Variants in C2CD3 observed in about 807,000 individuals in gnomAD.
C2CD3 encodes C2 domain-containing protein 3.
Under a neutral mutation model 234.0 loss-of-function variants are expected in C2CD3, and 148 were observed. The ratio of observed to expected loss-of-function variants is 0.63; its 90% CI spans 0.55 to 0.72. The LOEUF is 0.72. Ranked by LOEUF, C2CD3 falls within the 30% of genes least tolerant of loss-of-function variation. The pLI is 0.00. For synonymous variants in C2CD3, 1,000 were observed against 1,035.4 expected (o/e 0.97, Z 0.66); for missense variants, 2,577 against 2,811.5 (o/e 0.92, Z 1.89).
In C2CD3 at chr11:74,168,386, C is replaced by G; in HGVS notation, c.283G>C (p.Ala95Pro). 6.2e-7 allele frequency: 1 copy of G among 1,613,924 alleles called. No individual in the cohort carries two copies. The highest frequency in any genetic ancestry group is 8.5e-7 in the Non-Finnish European group (1 of 1,179,810). Reference protein sequence around the residue: ...PKAVRTTTRYAIRCGPKQFTS... With the variant: ...PKAVRTTTRYPIRCGPKQFTS... Reference sequence around the variant, plus strand: ...AACTGTTTTGGACCACAACGAATAGCGTAACGTGTAGTTGTTCTCACAGCT... The same window carrying G: ...AACTGTTTTGGACCACAACGAATAGGGTAACGTGTAGTTGTTCTCACAGCT... Residue 95 changes from alanine (A) to proline (P), a missense_variant, in exon 2 of 33, where the codon GCT (alanine) becomes CCT (proline). Transcript: ENST00000334126.
At chr11:74,105,292 A>G (rs1590814940) in intron 13 of C2CD3, among the ~76,000 whole-genome samples, 1 of 151,620 alleles carries the variant, frequency 6.6e-6, no homozygotes, top group Non-Finnish European at 1.5e-5. Context: ...TTCTTTTGAG[A>G]CAGAGTCTTG....
chr11:74,090,212 G>A (rs1057474266), intron 20 of C2CD3, among the ~76,000 whole-genome samples: 1 of 152,102 alleles, frequency 6.6e-6, no homozygotes, highest in African/African-American at 2.4e-5. Context: ...CCATTTTAAG[G>A]GCTCTGGTTT....
chr11:74,103,179 T>C lies in C2CD3; in HGVS notation c.2532A>G (p.Arg844=). The C allele has an allele frequency of 6.2e-7, 1 of 1,614,120 alleles. No homozygotes were observed. The highest frequency in any genetic ancestry group is 8.5e-7 in the Non-Finnish European group (1 of 1,179,960). The part of the protein sequence containing the change: ...CKLFSTEEVT[R]SVIAWGTTQP... ...GTGTTGTGCCCCATGCGATGACAGATCTGGTGACTTCCTCTGTGCTGAAGA... is the reference window on the plus strand; with the variant it reads ...GTGTTGTGCCCCATGCGATGACAGACCTGGTGACTTCCTCTGTGCTGAAGA... The change falls in exon 14 of 33, where the codon AGA becomes AGG. Residue 844 remains arginine (R), a synonymous_variant. Transcript: ENST00000334126.
intron 14 of C2CD3, 98 bp downstream of exon 14, chr11:74,103,033 A>T: frequency 1.6e-6 from 2 of 1,228,684 alleles, no homozygotes; most frequent in Non-Finnish European, 2.3e-6. Flanking sequence ...GGTTCCTTCT[A>T]GTCTGAACAT....
intron 3 of C2CD3, among the ~76,000 whole-genome samples, chr11:74,147,348 T>A (rs1286600680): frequency 6.6e-6 from 1 of 151,870 alleles, no homozygotes; most frequent in Non-Finnish European, 1.5e-5. Flanking sequence ...GCCCAGGAGG[T>A]CAAGGCTGCA....
Position 74,074,339 on chromosome 11 carries a change from C to T in C2CD3, c.4865G>A (p.Arg1622His), listed in dbSNP as rs772173456. 8.7e-6 allele frequency: 14 copies of T among 1,614,076 alleles called. No homozygotes were observed. In the East Asian group the frequency reaches 1.8e-4, roughly 21 times the overall value. Residue 1622 changes from arginine (R) to histidine (H), a missense_variant, in exon 24 of 33, where the codon CGC becomes CAC. Arg to His is a conservative substitution (Grantham distance 29, BLOSUM62 0). Transcript: ENST00000334126. ...ATCAGCAGGGCCCTCCTGCGTCAGG[C>T]GGACTTCAGCTGTGGTGCTGCTGCA... ...VPCSSTTAEV[R>H]LTQEGPADLD...
At chr11:74,110,103 A>AAATG (rs1390329103) in intron 11 of C2CD3, among the ~76,000 whole-genome samples, 1 of 125,612 alleles carries the variant, frequency 8.0e-6, no homozygotes, top group African/African-American at 3.3e-5. Flanking sequence ...ATAAATAAAT[A>AAATG]AAATAAAATA....
At chr11:74,131,262 G>A (rs941254399) in intron 7 of C2CD3, among the ~76,000 whole-genome samples, 1 of 150,906 alleles carries the variant, frequency 6.6e-6, no homozygotes, top group East Asian at 2.0e-4. Flanking sequence ...GGCAGAGGTT[G>A]CAGTAAGCCG....
intron 24 of C2CD3, among the ~76,000 whole-genome samples, chr11:74,074,034 G>A (rs1447274002): frequency 6.6e-6 from 1 of 152,206 alleles, no homozygotes; most frequent in Non-Finnish European, 1.5e-5. Flanking sequence ...GAAAAGAGAA[G>A]TATCTATCTA....
intron 3 of C2CD3, among the ~76,000 whole-genome samples, chr11:74,146,913 C>T (rs1317927890): frequency 1.3e-5 from 2 of 151,828 alleles, no homozygotes; most frequent in East Asian, 1.9e-4. Context: ...ATTAGATGGG[C>T]GTGGTGACAG....
chr11:74,088,322 A>G (rs1955740141), intron 20 of C2CD3, among the ~76,000 whole-genome samples: 1 of 152,222 alleles, frequency 6.6e-6, no homozygotes, highest in African/African-American at 2.4e-5. Context: ...GAAGTAAAGA[A>G]ATCAGCCCCA....
intron 3 of C2CD3, among the ~76,000 whole-genome samples, chr11:74,156,459 CAAAAAAAAAAAA>C (rs530606913): frequency 2.4e-5 from 1 of 40,932 alleles, no homozygotes; most frequent in Non-Finnish European, 5.5e-5. Context: ...GACCCTATCT[CAAAAAAAAAAAA>C]AAAAAAAAAA....
At chr11:74,149,406 G>A (rs1855445355) in intron 3 of C2CD3, among the ~76,000 whole-genome samples, 1 of 151,924 alleles carries the variant, frequency 6.6e-6, no homozygotes, top group Non-Finnish European at 1.5e-5. Context: ...TTGCCATGTT[G>A]CCCAGGCTGA....
In C2CD3 at chr11:74,161,316, A is replaced by T. The variant is rs570977686; in HGVS notation, c.483+83T>A. 2.5e-5 allele frequency: 19 copies of T among 758,900 alleles called. No homozygotes were observed. In the South Asian group the frequency reaches 3.0e-4, roughly 12 times the overall value. 47.0% of individuals were successfully genotyped at this position (758,900 alleles called of 1,614,324 possible). On this transcript the variant is annotated intron_variant, in intron 3 of 32. Coordinates refer to ENST00000334126, the MANE Select transcript of C2CD3 (RefSeq NM_001286577.2). Reference sequence around the variant, plus strand: ...TTAGCATGATATACAGGAGCCATGGACCTATCCATTCTACAAACAGACTCA... The same window carrying T: ...TTAGCATGATATACAGGAGCCATGGTCCTATCCATTCTACAAACAGACTCA...
rs1158186868 is a variant in C2CD3, at chr11:74,156,826, C to T, written c.483+4573G>A. On this transcript the variant is annotated intron_variant, in intron 3 of 32. Coordinates refer to ENST00000334126, the MANE Select transcript of C2CD3 (RefSeq NM_001286577.2). ...CTCTACCAAAAAATACAAAAATTAG[C>T]CGGGCATGGTGGTGTGCACCTGTAG... Among the ~76,000 whole-genome samples, 5 of 152,148 alleles carry T rather than the reference C, an allele frequency of 3.3e-5. No homozygotes were observed. The East Asian group carries it at 9.6e-4, about 29-fold the overall frequency.
rs758046987 is a variant in C2CD3 at position 74,090,870 on chromosome 11, C to T, written c.3584G>A (p.Arg1195Gln). The T allele has an allele frequency of 5.6e-6, 9 of 1,613,928 alleles. No homozygotes were observed. Among genetic ancestry groups the T allele is most frequent in the East Asian group, 2.2e-5 (1 of 44,874 alleles). The change falls in exon 20 of 33, where the codon CGA becomes CAA. Residue 1195 changes from arginine to glutamine, a missense_variant. Transcript: ENST00000334126. ...AATCTGGACTGAGATGGAAACAGTT[C>T]GGGCAGCAAGAACTCCCTCTGCTGT... ...PRTAEGVLAA[R>Q]TVSISVQIIR... is the part of the protein sequence containing the mutation.
At chr11:74,136,979 G>A (rs1405525184) in intron 5 of C2CD3, among the ~76,000 whole-genome samples, 3 of 150,262 alleles carry the variant, frequency 2.0e-5, no homozygotes, top group African/African-American at 7.3e-5. Context: ...AAAAAAAGAA[G>A]GAACACATCT....
At chr11:74,098,612 G>A (rs1394373233) in intron 15 of C2CD3, among the ~76,000 whole-genome samples, 1 of 152,132 alleles carries the variant, frequency 6.6e-6, no homozygotes. Flanking sequence ...TTTGGTGTCT[G>A]ACAGATAAGA....
intron 3 of C2CD3, among the ~76,000 whole-genome samples, chr11:74,148,534 AAGTCTGAAT>A (rs1293451614): frequency 2.6e-5 from 4 of 152,108 alleles, no homozygotes; most frequent in South Asian, 2.1e-4. Context: ...TACTTTTCAA[AAGTCTGAAT>A]ATATTTTTGG....
Sources: gnomAD v4.1 joint callset for allele counts (sites outside exome capture counted in the v4.1 genomes callset) on GRCh38, gnomAD v4.1.1 for gene constraint, MANE v1.5 for transcripts, NCBI Gene and HGNC (gene_info 2026-07-23, HGNC 2026-07-21) for gene names.